Variants in CDNF observed in about 807,000 individuals in gnomAD.
CDNF encodes ARMET-like protein 1.
CDNF carries 9 observed loss-of-function variants against 14.8 expected under a neutral mutation model. The ratio of observed to expected loss-of-function variants is 0.61; its 90% CI spans 0.37 to 1.06. The LOEUF (loss-of-function observed/expected upper bound fraction) is 1.06, where lower values mean the gene tolerates loss of function less well. Among genes scored for constraint, CDNF ranks in the 50% least tolerant of loss-of-function variants. CDNF has a pLI of 0.01. For synonymous variants in CDNF, 86 were observed against 87.2 expected (o/e 0.99, Z 0.07); for missense variants, 228 against 228.4 (o/e 1.00, Z 0.01).
chr10:14,826,089 AAGAAG>A (rs1833783417), intron 2 of CDNF, among the ~76,000 whole-genome samples: 1 of 125,412 alleles, frequency 8.0e-6, no homozygotes, highest in Non-Finnish European at 1.7e-5. Flanking sequence ...GAAGAAGAAG[AAGAAG>A]AAGCAGCAGC....
At chr10:14,833,146 A>G (rs1275204092) in intron 1 of CDNF, among the ~76,000 whole-genome samples, 1 of 152,104 alleles carries the variant, frequency 6.6e-6, no homozygotes, top group Non-Finnish European at 1.5e-5. Context: ...GGCATGAGCC[A>G]CCATGCCTGG....
At chr10:14,821,384 A>C (rs1322224873) in intron 3 of CDNF, among the ~76,000 whole-genome samples, 1 of 152,250 alleles carries the variant, frequency 6.6e-6, no homozygotes, top group East Asian at 1.9e-4. Context: ...ACGGCCTCCC[A>C]AAGTGCTGGA....
intron 3 of CDNF, among the ~76,000 whole-genome samples, chr10:14,824,849 C>G (rs746718365): frequency 6.6e-6 from 1 of 152,132 alleles, no homozygotes; most frequent in Non-Finnish European, 1.5e-5. Flanking sequence ...TTACCAAGAT[C>G]CAAATCACCA....
intron 3 of CDNF, among the ~76,000 whole-genome samples, chr10:14,825,203 G>A (rs372617132): frequency 1.2e-4 from 19 of 152,160 alleles, no homozygotes; most frequent in African/African-American, 3.4e-4. Flanking sequence ...CGATCCGCCC[G>A]TCTCGGCCTC....
intron 1 of CDNF, among the ~76,000 whole-genome samples, chr10:14,831,549 TACACAC>T (rs879601256): frequency 1.4e-5 from 2 of 147,296 alleles, no homozygotes; most frequent in African/African-American, 5.0e-5. Context: ...AATACATATA[TACACAC>T]ACACACACAC....
Position 14,837,930 on chromosome 10 carries a change from G to C in CDNF, c.17C>G (p.Pro6Arg). The C allele has an allele frequency of 6.2e-7, 1 of 1,601,524 alleles. No individual in the cohort carries two copies. Among genetic ancestry groups the C allele is most frequent in the Middle Eastern group, 1.7e-4 (1 of 6,038 alleles). The change falls in exon 1 of 4, where the codon CCA becomes CGA. Residue 6 changes from proline to arginine, a missense_variant. Pro to Arg is a moderately radical substitution (Grantham distance 103). Coordinates refer to ENST00000465530, the MANE Select transcript of CDNF (RefSeq NM_001029954.3). Reference protein sequence around the residue: MWCASPVAVVAFCAGL... With the variant: MWCASRVAVVAFCAGL... ...GGCGCAAAAGGCCACCACAGCAACT[G>C]GGCTCGCGCACCACATGCTGGGCCA...
At chr10:14,823,906 C>CCTACT (rs1179329541) in intron 3 of CDNF, among the ~76,000 whole-genome samples, 1 of 152,170 alleles carries the variant, frequency 6.6e-6, no homozygotes, top group Non-Finnish European at 1.5e-5. Flanking sequence ...AAAAGGGATG[C>CCTACT]CTACTCTAAT....
In CDNF at chr10:14,819,737, A is replaced by G. The variant is rs1833721418; in HGVS notation, c.*243T>C. 2.7e-6 allele frequency: 1 copy of G among 374,542 alleles called. No individual in the cohort carries two copies. The highest frequency in any genetic ancestry group is 2.1e-5 in the African/African-American group (1 of 47,788). 23.2% of individuals were successfully genotyped at this position (374,542 alleles called of 1,614,324 possible). Reference sequence around the variant, plus strand: ...TAGGAGACAGGCAATGAAAACTGGCATAGTCATTCCAAGAAACTTATGAGA... The same window carrying G: ...TAGGAGACAGGCAATGAAAACTGGCGTAGTCATTCCAAGAAACTTATGAGA... On this transcript the variant is annotated 3_prime_UTR_variant, in exon 4 of 4. Transcript: ENST00000465530.
chr10:14,832,938 C>A (rs1030022554), intron 1 of CDNF, among the ~76,000 whole-genome samples: 26 of 146,504 alleles, frequency 1.8e-4, no homozygotes, highest in African/African-American at 5.6e-4. Context: ...CGGCTCACTG[C>A]AACCTCCAAC....
At chr10:14,828,074 G>C (rs1024857147) in intron 2 of CDNF, 71 bp downstream of exon 2, 1 of 1,507,968 alleles carries the variant, frequency 6.6e-7, no homozygotes, top group Non-Finnish European at 9.1e-7. Context: ...AGGACTTCAC[G>C]TCTAAGAAAT....
At position 14,828,212 on chromosome 10, in the gene CDNF, G is replaced by A. The variant is rs757507307; in HGVS notation, c.176C>T (p.Ser59Leu). 92 of 1,613,276 alleles carry A rather than the reference G, an allele frequency of 5.7e-5. No homozygotes were observed. The highest frequency in any genetic ancestry group is 7.2e-5 in the Non-Finnish European group (85 of 1,179,374). ...KSLIDRGVNF[S>L]LDTIEKELIS... ...CAATTCTTTCTCTATAGTGTCCAGC[G>A]AAAAGTTAACTCCTCTGTCTATCAG... The change falls in exon 2 of 4, where the codon TCG becomes TTG. Residue 59 changes from serine to leucine, a missense_variant. By Grantham distance (145) the Ser-to-Leu change is moderately radical. Coordinates refer to ENST00000465530, the MANE Select transcript of CDNF (RefSeq NM_001029954.3).
chr10:14,825,143 A>G (rs1197934146), intron 3 of CDNF, among the ~76,000 whole-genome samples: 2 of 151,560 alleles, frequency 1.3e-5, no homozygotes, highest in Non-Finnish European at 2.9e-5. Flanking sequence ...TTTTTAGTAG[A>G]GACAGGGTTT....
In CDNF at chr10:14,837,841, C is replaced by T; in HGVS notation, c.106G>A (p.Asp36Asn). Residue 36 changes from aspartate (D) to asparagine (N), a missense_variant, in exon 1 of 4, where the codon GAC becomes AAC. Asp to Asn is a conservative substitution (Grantham distance 23). Transcript: ENST00000465530. ...TTGTCACACCGCTCACCTTCACAGTCGGCCCCTGGCCGCCCCCCGGCCTCC... is the reference window on the plus strand; with the variant it reads ...TTGTCACACCGCTCACCTTCACAGTTGGCCCCTGGCCGCCCCCCGGCCTCC... ...GQEAGGRPGA[D>N]CEVCKEFLNR... 2 of 1,586,714 alleles carry T rather than the reference C, an allele frequency of 1.3e-6. No individual in the cohort carries two copies. Among genetic ancestry groups the T allele is most frequent in the Non-Finnish European group, 1.7e-6 (2 of 1,168,116 alleles).
intron 2 of CDNF, among the ~76,000 whole-genome samples, chr10:14,826,095 A>AAGAAGCAGCAGCAGC (rs1426555042): frequency 1.5e-4 from 13 of 87,530 alleles, no homozygotes; most frequent in Non-Finnish European, 7.0e-5. Context: ...GAAGAAGAAG[A>AAGAAGCAGCAGCAGC]AGCAGCAGCA....
chr10:14,820,886 T>C (rs1269272130), intron 3 of CDNF, among the ~76,000 whole-genome samples: 1 of 152,174 alleles, frequency 6.6e-6, no homozygotes, highest in African/African-American at 2.4e-5. Flanking sequence ...GACTTCACCC[T>C]AGCTTTTCTC....
At position 14,825,687 on chromosome 10, in the gene CDNF, A is replaced by G. The variant is rs545420164; in HGVS notation, c.244-67T>C. ...GACATTCAGTATCATTCCAGTAATG[A>G]AGGAATACAGTATCAAGAAGAAAGA... On this transcript the variant is annotated intron_variant, in intron 2 of 3. Coordinates refer to ENST00000465530, the MANE Select transcript of CDNF (RefSeq NM_001029954.3). 1.4e-3 allele frequency: 2,197 copies of G among 1,520,226 alleles called. 5 individuals carry two copies. The highest frequency in any genetic ancestry group is 1.8e-3 in the Non-Finnish European group (1,984 of 1,102,834). The allele number at this position is 1,520,226 out of a possible 1,614,324, so 94.2% of individuals were successfully genotyped here.
At chr10:14,835,014 T>C (rs935037571) in intron 1 of CDNF, among the ~76,000 whole-genome samples, 2 of 152,120 alleles carry the variant, frequency 1.3e-5, no homozygotes, top group African/African-American at 4.8e-5. Flanking sequence ...AAGAGAAGTC[T>C]AGAATCTAGG....
chr10:14,837,482 T>C (rs1452804187), intron 1 of CDNF, among the ~76,000 whole-genome samples: 1 of 152,278 alleles, frequency 6.6e-6, no homozygotes. Context: ...AGACGTCTTC[T>C]GTGCAAGGGG....
intron 3 of CDNF, among the ~76,000 whole-genome samples, chr10:14,823,812 C>T (rs1465531763): frequency 6.6e-6 from 1 of 152,252 alleles, no homozygotes; most frequent in East Asian, 1.9e-4. Context: ...CAAGTGTGAG[C>T]TGCCGCGCCC....
Sources: gnomAD v4.1 joint callset for allele counts (sites outside exome capture counted in the v4.1 genomes callset) on GRCh38, gnomAD v4.1.1 for gene constraint, MANE v1.5 for transcripts, NCBI Gene and HGNC (gene_info 2026-07-23, HGNC 2026-07-21) for gene names.